Variants in EEFSEC observed in about 807,000 individuals in gnomAD.
EEFSEC encodes the protein eukaryotic elongation factor, selenocysteine-tRNA specific.
Under a neutral mutation model 42.1 loss-of-function variants are expected in EEFSEC, and 43 were observed. The ratio of observed to expected loss-of-function variants is 1.02; its 90% CI spans 0.80 to 1.32. The LOEUF (loss-of-function observed/expected upper bound fraction) is 1.32, where lower values mean the gene tolerates loss of function less well. EEFSEC is among the 40% of genes most tolerant of loss of function. The pLI is 0.00. For missense variants in EEFSEC, 745 were observed against 803.6 expected (o/e 0.93, Z 0.88); for synonymous variants, 354 against 339.1 (o/e 1.04, Z -0.48).
chr3:128,355,388 G>A lies in EEFSEC; in HGVS notation c.1444-2829G>A, dbSNP rs1034352041. Among the ~76,000 whole-genome samples, 5 of 151,942 alleles carry A rather than the reference G, an allele frequency of 3.3e-5. No homozygotes were observed. In the East Asian group the frequency reaches 5.8e-4, roughly 18 times the overall value. ...GGCCTTGGGTGGGGGTAGAGTCCCC[G>A]GTGCACAAGCTGGGACTAGCATTAC... On this transcript the variant is annotated intron_variant, in intron 5 of 6. Transcript: ENST00000254730.
At chr3:128,239,960 G>A (rs751721112) in intron 1 of EEFSEC, among the ~76,000 whole-genome samples, 10 of 152,216 alleles carry the variant, frequency 6.6e-5, no homozygotes, top group Non-Finnish European at 4.4e-5. Context: ...TCCTGCAGTC[G>A]ATGGAGTAAC....
At chr3:128,239,218 G>C (rs1378047170) in intron 1 of EEFSEC, among the ~76,000 whole-genome samples, 1 of 152,192 alleles carries the variant, frequency 6.6e-6, no homozygotes, top group Non-Finnish European at 1.5e-5. Context: ...GTTTGTATTC[G>C]CTCCATGCTG....
intron 6 of EEFSEC, among the ~76,000 whole-genome samples, chr3:128,362,645 C>T (rs1005555825): frequency 2.6e-5 from 4 of 152,214 alleles, no homozygotes; most frequent in Non-Finnish European, 4.4e-5. Flanking sequence ...TACTGGAAAG[C>T]CCCAGGCCCC....
At chr3:128,389,498 G>A (rs968031427) in intron 6 of EEFSEC, among the ~76,000 whole-genome samples, 4 of 152,230 alleles carry the variant, frequency 2.6e-5, no homozygotes, top group African/African-American at 9.6e-5. Flanking sequence ...CCCAGGCCTA[G>A]AGCCCAGGTT....
intron 1 of EEFSEC, among the ~76,000 whole-genome samples, chr3:128,224,354 C>T (rs1009580867): frequency 2.6e-5 from 4 of 152,250 alleles, no homozygotes; most frequent in African/African-American, 9.6e-5. Flanking sequence ...GAAGAATAAA[C>T]GTCACAGTTC....
chr3:128,364,948 G>A (rs889745596), intron 6 of EEFSEC, among the ~76,000 whole-genome samples: 1 of 152,232 alleles, frequency 6.6e-6, no homozygotes, highest in Non-Finnish European at 1.5e-5. Flanking sequence ...ATCGAGCAGA[G>A]GGGCCAGCAG....
At chr3:128,392,049 A>C (rs927617873) in intron 6 of EEFSEC, among the ~76,000 whole-genome samples, 3 of 152,154 alleles carry the variant, frequency 2.0e-5, no homozygotes, top group African/African-American at 7.2e-5. Flanking sequence ...CTCTTCACCC[A>C]GTTTGCAAGA....
At chr3:128,167,655 C>T (rs1020345691) in intron 1 of EEFSEC, among the ~76,000 whole-genome samples, 4 of 152,254 alleles carry the variant, frequency 2.6e-5, no homozygotes, top group African/African-American at 9.6e-5. Flanking sequence ...GCCGGGAACA[C>T]GGCGACCTCA....
At chr3:128,410,397 G>T (rs1262375934), downstream of EEFSEC, among the ~76,000 whole-genome samples, 2 of 152,192 alleles carry the variant, frequency 1.3e-5, no homozygotes, top group African/African-American at 2.4e-5. Context: ...AATGAGGGGT[G>T]ATGTGACCCA....
intron 6 of EEFSEC, among the ~76,000 whole-genome samples, chr3:128,405,008 C>A (rs2068092642): frequency 1.3e-5 from 2 of 151,122 alleles, no homozygotes; most frequent in Non-Finnish European, 2.9e-5. Flanking sequence ...TTATCCAGCA[C>A]CCTTGTCACT....
At chr3:128,383,178 C>G (rs1042820515) in intron 6 of EEFSEC, among the ~76,000 whole-genome samples, 1 of 152,228 alleles carries the variant, frequency 6.6e-6, no homozygotes, top group African/African-American at 2.4e-5. Flanking sequence ...TGCTGTACTG[C>G]CTTCCTAGCA....
intron 4 of EEFSEC, among the ~76,000 whole-genome samples, chr3:128,336,424 G>T (rs2067189963): frequency 1.3e-5 from 2 of 152,188 alleles, no homozygotes; most frequent in Admixed American, 1.3e-4. Flanking sequence ...AACTGGCAGT[G>T]TCATTCCTCT....
chr3:128,305,817 T>TGTA, intron 4 of EEFSEC, among the ~76,000 whole-genome samples: 1 of 152,344 alleles, frequency 6.6e-6, no homozygotes, highest in Non-Finnish European at 1.5e-5. Context: ...ATGTATTTCT[T>TGTA]TCATTGGGTA....
chr3:128,307,553 T>C (rs895766894), intron 4 of EEFSEC, among the ~76,000 whole-genome samples: 1 of 152,230 alleles, frequency 6.6e-6, no homozygotes, highest in Non-Finnish European at 1.5e-5. Context: ...ACTTGGTCTC[T>C]ATTCCTCCAG....
chr3:128,167,219 A>G lies in EEFSEC; in HGVS notation c.316+13396A>G, dbSNP rs549563364. On this transcript the variant is annotated intron_variant, in intron 1 of 6. Transcript: ENST00000254730. ...CCTGTAACATCCTACACATTCCCCT[A>G]TGATCTCATTTTCTCCCCATCTTAT... Among the ~76,000 whole-genome samples the G allele has an allele frequency of 2.3e-4, 35 of 152,176 alleles. No individual in the cohort carries two copies. In the South Asian group the frequency reaches 7.1e-3, roughly 31 times the overall value.
chr3:128,241,201 C>CTTTTTTTTTTTTTTTTTTTTTTTTTTTTT (rs373420882), intron 1 of EEFSEC, among the ~76,000 whole-genome samples: 1 of 80,658 alleles, frequency 1.2e-5, no homozygotes, highest in African/African-American at 5.0e-5. Context: ...CTCTCTCTCT[C>CTTTTTTTTTTTTTTTTTTTTTTTTTTTTT]TTTTTTTTTT....
chr3:128,249,801 G>A (rs573253465), intron 2 of EEFSEC, among the ~76,000 whole-genome samples: 83 of 152,206 alleles, frequency 5.5e-4, no homozygotes, highest in African/African-American at 1.9e-3. Context: ...GTTTTATTAT[G>A]TCTATATACC....
At chr3:128,404,383 C>T (rs1407788511) in intron 6 of EEFSEC, among the ~76,000 whole-genome samples, 2 of 152,230 alleles carry the variant, frequency 1.3e-5, no homozygotes, top group Non-Finnish European at 2.9e-5. Context: ...CCGGGCAGTG[C>T]GAGGTATGCA....
intron 6 of EEFSEC, among the ~76,000 whole-genome samples, chr3:128,382,501 G>C (rs74924715): frequency 0.029 from 4,377 of 152,194 alleles, 129 homozygotes; most frequent in Non-Finnish European, 0.042. Flanking sequence ...TTTTTGACAG[G>C]GGGGAGGTGA....
Sources: gnomAD v4.1 joint callset for allele counts (sites outside exome capture counted in the v4.1 genomes callset) on GRCh38, gnomAD v4.1.1 for gene constraint, MANE v1.5 for transcripts, NCBI Gene and HGNC (gene_info 2026-07-23, HGNC 2026-07-21) for gene names.